Variants in KSR2 observed in about 807,000 individuals in gnomAD.
KSR2 encodes kinase suppressor of ras 2.
In KSR2, 25 loss-of-function variants were observed where a neutral mutation model predicts 107.8. The ratio of observed to expected loss-of-function variants is 0.23; its 90% CI spans 0.17 to 0.32. The LOEUF (loss-of-function observed/expected upper bound fraction) is 0.32, where lower values mean the gene tolerates loss of function less well. KSR2 is among the 10% of genes least tolerant of loss of function. The pLI, the probability that KSR2 is intolerant of heterozygous loss-of-function variation, is 1.00. For missense variants in KSR2, 887 were observed against 1,268.9 expected (o/e 0.70, Z 4.57); for synonymous variants, 480 against 507.0 (o/e 0.95, Z 0.71).
intron 3 of KSR2, among the ~76,000 whole-genome samples, chr12:117,807,805 T>C (rs1891062911): frequency 6.6e-6 from 1 of 152,190 alleles, no homozygotes; most frequent in Non-Finnish European, 1.5e-5. Flanking sequence ...TAAGTGGAGA[T>C]AGGTAATTAA....
chr12:117,541,087 G>C (rs1459034805), intron 9 of KSR2, among the ~76,000 whole-genome samples: 1 of 151,950 alleles, frequency 6.6e-6, no homozygotes, highest in South Asian at 2.1e-4. Context: ...AAATGATGTG[G>C]AGGAATGGGA....
chr12:117,893,262 C>T (rs1367975417), intron 1 of KSR2, among the ~76,000 whole-genome samples: 2 of 152,126 alleles, frequency 1.3e-5, no homozygotes, highest in Admixed American at 6.5e-5. Context: ...AAGCTATCCT[C>T]CCACCCCGGC....
At chr12:117,642,917 C>T (rs553295817) in intron 5 of KSR2, among the ~76,000 whole-genome samples, 1 of 152,114 alleles carries the variant, frequency 6.6e-6, no homozygotes, top group Non-Finnish European at 1.5e-5. Context: ...GGAAACCAGG[C>T]CCCCAGGCTC....
chr12:117,809,142 T>A (rs1240942715), intron 3 of KSR2, among the ~76,000 whole-genome samples: 2 of 152,156 alleles, frequency 1.3e-5, no homozygotes, highest in Non-Finnish European at 1.5e-5. Context: ...ATTCAGCTAC[T>A]GAGACTTTAA....
intron 19 of KSR2, 24 bp from the exon 20 acceptor site, chr12:117,467,229 G>C (rs371454300): frequency 1.4e-6 from 1 of 730,126 alleles, no homozygotes; most frequent in Non-Finnish European, 2.5e-6. Context: ...AGAAGGGAGA[G>C]AGTGGTGAGA....
intron 1 of KSR2, among the ~76,000 whole-genome samples, chr12:117,912,191 C>T (rs1895036395): frequency 6.6e-6 from 1 of 152,172 alleles, no homozygotes; most frequent in Non-Finnish European, 1.5e-5. Flanking sequence ...CCATTATGTA[C>T]TAAATATGAA....
At chr12:117,594,677 C>A (rs1880529897) in intron 5 of KSR2, among the ~76,000 whole-genome samples, 1 of 152,198 alleles carries the variant, frequency 6.6e-6, no homozygotes, top group South Asian at 2.1e-4. Context: ...TCCCCATACC[C>A]CCAAGAACTT....
intron 1 of KSR2, among the ~76,000 whole-genome samples, chr12:117,959,859 AGG>A (rs541359133): frequency 2.4e-3 from 360 of 149,270 alleles, no homozygotes; most frequent in African/African-American, 7.9e-3. Context: ...TGAGCCTGGG[AGG>A]TCGAGGCTTC....
At chr12:117,655,587 C>G (rs1001351201) in intron 5 of KSR2, among the ~76,000 whole-genome samples, 4 of 152,202 alleles carry the variant, frequency 2.6e-5, no homozygotes, top group Non-Finnish European at 4.4e-5. Flanking sequence ...GATCCACTAG[C>G]AAAGTTTTTG....
chr12:117,747,000 C>A lies in KSR2; in HGVS notation c.986+14011G>T, dbSNP rs564052325. Among the ~76,000 whole-genome samples the A allele has an allele frequency of 3.9e-5, 6 of 152,218 alleles. No individual in the cohort carries two copies. The South Asian group carries it at 1.2e-3, about 32-fold the overall frequency. On this transcript the variant is annotated intron_variant, in intron 4 of 19. Coordinates refer to ENST00000339824, the MANE Select transcript of KSR2 (RefSeq NM_173598.6). Reference sequence around the variant, plus strand: ...CTGTTGGTGGGAGTGTAAATTAGTTCAACCATTGTGAAAGACAGTATGGCG... The same window carrying A: ...CTGTTGGTGGGAGTGTAAATTAGTTAAACCATTGTGAAAGACAGTATGGCG...
At chr12:117,583,615 G>T (rs529387924) in intron 5 of KSR2, among the ~76,000 whole-genome samples, 1 of 152,120 alleles carries the variant, frequency 6.6e-6, no homozygotes, top group Admixed American at 6.5e-5. Context: ...AAATCTCAGC[G>T]AACTGTACTA....
chr12:117,494,546 A>G (rs1474399748), intron 14 of KSR2, among the ~76,000 whole-genome samples: 1 of 152,198 alleles, frequency 6.6e-6, no homozygotes, highest in Non-Finnish European at 1.5e-5. Context: ...ATGGAGGCCC[A>G]GAGGTCATCT....
At chr12:117,705,827 G>T (rs1593151291) in intron 4 of KSR2, among the ~76,000 whole-genome samples, 1 of 152,130 alleles carries the variant, frequency 6.6e-6, no homozygotes. Context: ...AGCTGGAGAG[G>T]TGGATAGGAC....
At chr12:117,793,143 C>G (rs1445133936) in intron 3 of KSR2, among the ~76,000 whole-genome samples, 1 of 137,224 alleles carries the variant, frequency 7.3e-6, no homozygotes, top group Admixed American at 7.5e-5. Flanking sequence ...CACTAACATG[C>G]ATATACCAAT....
intron 5 of KSR2, among the ~76,000 whole-genome samples, chr12:117,644,316 G>T (rs191032910): frequency 6.6e-6 from 1 of 152,270 alleles, no homozygotes; most frequent in East Asian, 1.9e-4. Context: ...GCTTGGATAC[G>T]GTTTGAGATG....
intron 7 of KSR2, among the ~76,000 whole-genome samples, chr12:117,562,530 C>A (rs1197419356): frequency 1.3e-5 from 2 of 152,056 alleles, no homozygotes; most frequent in African/African-American, 4.8e-5. Context: ...CTAATAAACC[C>A]AGCTGGAAAA....
chr12:117,896,038 TAA>T (rs1566071770), intron 1 of KSR2, among the ~76,000 whole-genome samples: 1 of 152,194 alleles, frequency 6.6e-6, no homozygotes, highest in East Asian at 1.9e-4. Context: ...CATCCTGGGC[TAA>T]GAGTGAAACT....
chr12:117,467,165 C>T lies in KSR2; in HGVS notation c.*34G>A, dbSNP rs1871186432. The T allele has an allele frequency of 1.5e-6, 1 of 686,572 alleles. No individual in the cohort carries two copies. The highest frequency in any genetic ancestry group is 2.6e-6 in the Non-Finnish European group (1 of 377,676). The allele number at this position is 686,572 out of a possible 1,614,324, so 42.5% of individuals were successfully genotyped here. A position where few individuals can be genotyped will look rare whatever the true frequency, so the allele number is the denominator to read the frequency against. ...GTAGGGAGGGAGAGGTGACGGGAGCCCAGGCAGCTGGGCGCCGTCCCGATG... is the reference window on the plus strand; with the variant it reads ...GTAGGGAGGGAGAGGTGACGGGAGCTCAGGCAGCTGGGCGCCGTCCCGATG... On this transcript the variant is annotated 3_prime_UTR_variant, in exon 20 of 20. Transcript: ENST00000339824.
chr12:117,881,314 T>C (rs1456357483), intron 1 of KSR2, among the ~76,000 whole-genome samples: 1 of 152,160 alleles, frequency 6.6e-6, no homozygotes, highest in Non-Finnish European at 1.5e-5. Context: ...TGTTTGAGGG[T>C]ACAGAGGGGG....
Sources: gnomAD v4.1 joint callset for allele counts (sites outside exome capture counted in the v4.1 genomes callset) on GRCh38, gnomAD v4.1.1 for gene constraint, MANE v1.5 for transcripts, NCBI Gene and HGNC (gene_info 2026-07-23, HGNC 2026-07-21) for gene names.